DNER: variants seen among roughly 807,000 people sequenced by gnomAD.
DNER encodes delta and Notch-like epidermal growth factor-related receptor.
In DNER, 33 loss-of-function variants were observed where a neutral mutation model predicts 78.2. The observed-to-expected ratio is 0.42, with a 90% CI of 0.32 to 0.56. The LOEUF (loss-of-function observed/expected upper bound fraction) is 0.56. DNER is among the 20% of genes least tolerant of loss of function. DNER has a pLI of 0.11. For missense variants in DNER, 918 were observed against 975.3 expected (o/e 0.94, Z 0.78); for synonymous variants, 417 against 384.8 (o/e 1.08, Z -0.98).
intron 1 of DNER, among the ~76,000 whole-genome samples, chr2:229,674,543 T>A (rs1699269895): frequency 6.6e-6 from 1 of 152,200 alleles, no homozygotes; most frequent in Non-Finnish European, 1.5e-5. Flanking sequence ...CCTCCCAAAG[T>A]GCTAGGGTTA....
intron 7 of DNER, among the ~76,000 whole-genome samples, chr2:229,461,128 C>T (rs1356177548): frequency 2.0e-5 from 3 of 152,034 alleles, no homozygotes; most frequent in African/African-American, 7.3e-5. Flanking sequence ...TTCATCTTCC[C>T]CAAAAAATTC....
chr2:229,666,702 A>G (rs1024977610), intron 1 of DNER, among the ~76,000 whole-genome samples: 4 of 152,224 alleles, frequency 2.6e-5, no homozygotes, highest in Non-Finnish European at 5.9e-5. Context: ...GCTAACCCAT[A>G]TCATGATTTC....
At chr2:229,503,459 GAATA>G (rs1695662235) in intron 6 of DNER, among the ~76,000 whole-genome samples, 1 of 152,168 alleles carries the variant, frequency 6.6e-6, no homozygotes, top group Non-Finnish European at 1.5e-5. Flanking sequence ...GAGGGTAAAG[GAATA>G]AATAAATAGG....
At position 229,690,731 on chromosome 2, in the gene DNER, G is replaced by A. The variant is rs370903137; in HGVS notation, c.276+23417C>T. On this transcript the variant is annotated intron_variant, in intron 1 of 12. Transcript: ENST00000341772. ...AGTTCCAGCAAGAGACAGACAGACT[G>A]TAAATGATGGACCCAATGAAAAAGT... Among the ~76,000 whole-genome samples, 8 of 152,168 alleles carry A rather than the reference G, an allele frequency of 5.3e-5. No homozygotes were observed. In the East Asian group the frequency reaches 5.8e-4, roughly 11 times the overall value.
At chr2:229,380,398 C>A (rs904028761) in intron 11 of DNER, among the ~76,000 whole-genome samples, 4 of 152,110 alleles carry the variant, frequency 2.6e-5, no homozygotes, top group African/African-American at 9.7e-5. Flanking sequence ...CAAATTCACA[C>A]AGAAGACAAG....
At chr2:229,430,269 G>C (rs1693976258) in intron 8 of DNER, among the ~76,000 whole-genome samples, 1 of 152,078 alleles carries the variant, frequency 6.6e-6, no homozygotes, top group South Asian at 2.1e-4. Flanking sequence ...ATATAAGCGG[G>C]TAATATCATC....
intron 1 of DNER, among the ~76,000 whole-genome samples, chr2:229,671,668 A>G (rs1001757928): frequency 1.7e-4 from 26 of 152,344 alleles, no homozygotes; most frequent in South Asian, 1.2e-3. Context: ...TAGAGTCCCC[A>G]GTATTTCCCA....
intron 9 of DNER, among the ~76,000 whole-genome samples, chr2:229,409,276 T>C (rs1165322048): frequency 6.6e-6 from 1 of 152,166 alleles, no homozygotes; most frequent in Admixed American, 6.5e-5. Context: ...ATTTACAAGT[T>C]CCCACTGGGC....
chr2:229,628,194 T>G (rs921549832), intron 1 of DNER, among the ~76,000 whole-genome samples: 7 of 152,124 alleles, frequency 4.6e-5, no homozygotes, highest in Admixed American at 2.6e-4. Flanking sequence ...CCCTGAAGCA[T>G]GAGACACCGA....
chr2:229,600,329 T>C (rs1169884891), intron 1 of DNER, among the ~76,000 whole-genome samples: 8 of 152,232 alleles, frequency 5.3e-5, no homozygotes, highest in Admixed American at 3.3e-4. Context: ...TATATGATAT[T>C]TGTTATCTGG....
At chr2:229,488,799 G>C (rs1695333523) in intron 6 of DNER, among the ~76,000 whole-genome samples, 1 of 152,238 alleles carries the variant, frequency 6.6e-6, no homozygotes, top group South Asian at 2.1e-4. Context: ...CCCTGAGCAG[G>C]AGATGCAGAA....
At chr2:229,532,711 T>A (rs6755736) in intron 5 of DNER, among the ~76,000 whole-genome samples, 3,886 of 152,354 alleles carry the variant, frequency 0.026, 165 homozygotes, top group African/African-American at 0.088. Flanking sequence ...TTTACTGTCT[T>A]GAAAGCTTTC....
intron 9 of DNER, among the ~76,000 whole-genome samples, chr2:229,410,916 C>A (rs1693503487): frequency 6.6e-6 from 1 of 152,192 alleles, no homozygotes; most frequent in Admixed American, 6.5e-5. Flanking sequence ...CTCATTTCAT[C>A]CAAACTTACT....
At chr2:229,575,751 AG>A (rs1302104156) in intron 4 of DNER, among the ~76,000 whole-genome samples, 1 of 152,214 alleles carries the variant, frequency 6.6e-6, no homozygotes, top group Non-Finnish European at 1.5e-5. Flanking sequence ...CACAATCAAC[AG>A]GTACCAATAA....
At chr2:229,711,360 G>A (rs1204217515) in intron 1 of DNER, among the ~76,000 whole-genome samples, 11 of 152,010 alleles carry the variant, frequency 7.2e-5, no homozygotes, top group South Asian at 2.1e-4. Context: ...AGATCCCATC[G>A]TTGAAGATGA....
chr2:229,483,087 T>C (rs1695199566), intron 6 of DNER, among the ~76,000 whole-genome samples: 1 of 152,038 alleles, frequency 6.6e-6, no homozygotes, highest in Non-Finnish European at 1.5e-5. Context: ...GAGCTTGGAG[T>C]TTCCTGTTGG....
rs192372517 is a variant in DNER at position 229,639,698 on chromosome 2, C to T, written c.277-47810G>A. ...TTGCATCTGGAAAAATAGCTAAGAG[C>T]AATGCTCAGATAAGACTGGGGCTTC... is the stretch of plus-strand genomic sequence containing the variant. On this transcript the variant is annotated intron_variant, in intron 1 of 12. Transcript: ENST00000341772. 2.0e-5 allele frequency among the ~76,000 whole-genome samples: 3 copies of T among 152,238 alleles called. No individual in the cohort carries two copies. The East Asian group carries it at 5.8e-4, about 29-fold the overall frequency.
chr2:229,577,050 C>T (rs756564434), intron 4 of DNER, among the ~76,000 whole-genome samples: 1 of 152,148 alleles, frequency 6.6e-6, no homozygotes, highest in African/African-American at 2.4e-5. Context: ...GGTCGTGAAG[C>T]TGGGACTGTG....
chr2:229,447,595 A>T (rs1694367879), intron 7 of DNER, 55 bp from the exon 8 acceptor site: 1 of 1,533,206 alleles, frequency 6.5e-7, no homozygotes, highest in Non-Finnish European at 8.9e-7. Flanking sequence ...GCACATAATA[A>T]CTAATCAACT....
Sources: allele counts gnomAD v4.1 joint callset (sites outside exome capture counted in the v4.1 genomes callset), GRCh38; gene constraint gnomAD v4.1.1; transcripts MANE v1.5; gene names NCBI Gene and HGNC (gene_info 2026-07-23, HGNC 2026-07-21).